Variants in CREM observed in about 807,000 individuals in gnomAD.
CREM encodes cAMP-responsive element modulator.
CREM carries 13 observed loss-of-function variants against 37.3 expected under a neutral mutation model. That is an observed-to-expected ratio of 0.35 (90% CI 0.23 to 0.55). The LOEUF is 0.55. Among genes scored for constraint, CREM ranks in the 20% least tolerant of loss-of-function variants. The pLI is 0.88. For synonymous variants in CREM, 124 were observed against 120.2 expected (o/e 1.03, Z -0.21); for missense variants, 296 against 362.3 (o/e 0.82, Z 1.49).
At chr10:35,172,129 CTTTGTTTTCT>C (rs140990102) in intron 3 of CREM, among the ~76,000 whole-genome samples, 22,828 of 151,926 alleles carry the variant, frequency 0.15, 1,906 homozygotes, top group East Asian at 0.23. Flanking sequence ...AATTTTTTTC[CTTTGTTTTCT>C]TTTGTTTTAT....
chr10:35,179,060 C>A, intron 4 of CREM, 74 bp downstream of exon 4: 1 of 1,534,304 alleles, frequency 6.5e-7, no homozygotes, highest in Non-Finnish European at 8.9e-7. Context: ...CAAATCAATT[C>A]TTCCTTTATA....
intron 7 of CREM, among the ~76,000 whole-genome samples, chr10:35,207,590 A>G (rs2095563334): frequency 6.6e-6 from 1 of 152,100 alleles, no homozygotes; most frequent in South Asian, 2.1e-4. Flanking sequence ...CCTGGCCAAT[A>G]TGACGAAACC....
At chr10:35,145,600 G>A (rs942212946) in intron 2 of CREM, among the ~76,000 whole-genome samples, 2 of 151,972 alleles carry the variant, frequency 1.3e-5, no homozygotes, top group African/African-American at 4.8e-5. Flanking sequence ...GGCCAACATG[G>A]CGAAACCCCG....
chr10:35,150,496 C>T (rs1021241321), intron 3 of CREM, among the ~76,000 whole-genome samples: 4 of 152,100 alleles, frequency 2.6e-5, no homozygotes, highest in African/African-American at 4.8e-5. Flanking sequence ...TCAGGCTGGG[C>T]GACAGCCACC....
chr10:35,167,963 A>G (rs926694389), intron 3 of CREM, among the ~76,000 whole-genome samples: 1 of 152,198 alleles, frequency 6.6e-6, no homozygotes, highest in South Asian at 2.1e-4. Context: ...CCATGTCCCT[A>G]CAAAGGACAT....
At chr10:35,136,122 C>T (rs950119210) in intron 1 of CREM, among the ~76,000 whole-genome samples, 4 of 152,254 alleles carry the variant, frequency 2.6e-5, no homozygotes, top group South Asian at 2.1e-4. Flanking sequence ...AGGAAGCGGG[C>T]GGCTGTTCCT....
intron 6 of CREM, among the ~76,000 whole-genome samples, chr10:35,201,765 A>G (rs142122039): frequency 1.2e-4 from 18 of 152,332 alleles, no homozygotes; most frequent in African/African-American, 4.1e-4. Context: ...TTAAGAAATA[A>G]TGCCTTTTAT....
At chr10:35,139,365 C>G (rs1249384470) in intron 2 of CREM, among the ~76,000 whole-genome samples, 14 of 152,178 alleles carry the variant, frequency 9.2e-5, no homozygotes, top group Admixed American at 9.2e-4. Flanking sequence ...GGTGATCCAC[C>G]TGCCTAGCCC....
At chr10:35,202,125 C>T (rs986630170) in intron 6 of CREM, among the ~76,000 whole-genome samples, 2 of 152,138 alleles carry the variant, frequency 1.3e-5, no homozygotes, top group Non-Finnish European at 2.9e-5. Context: ...TAATTCCCCA[C>T]TGATAACCCA....
chr10:35,193,599 G>C (rs2095011936), intron 6 of CREM, among the ~76,000 whole-genome samples: 1 of 152,242 alleles, frequency 6.6e-6, no homozygotes, highest in Non-Finnish European at 1.5e-5. Context: ...ACTCAGCCAA[G>C]ATATCTTCAG....
chr10:35,177,267 G>A (rs1239206985), intron 3 of CREM, among the ~76,000 whole-genome samples: 1 of 151,968 alleles, frequency 6.6e-6, no homozygotes, highest in East Asian at 1.9e-4. Context: ...TCCCAGAAGT[G>A]TAAGAATAAT....
In CREM at chr10:35,207,060, T is replaced by G; in HGVS notation, c.755+9T>G. On this transcript the variant is annotated intron_variant, in intron 7 of 7. Coordinates refer to ENST00000685392, the MANE Select transcript of CREM (RefSeq NM_183011.2). ...AGGCTAATGAAAAACAGGTGAGGTG[T>G]TGCACAGGGAATCGGTAACTTCTAG... is the stretch of plus-strand genomic sequence containing the variant. The G allele has an allele frequency of 6.2e-7, 1 of 1,608,374 alleles. No individual in the cohort carries two copies. The highest frequency in any genetic ancestry group is 2.2e-5 in the East Asian group (1 of 44,768).
At position 35,155,378 on chromosome 10, in the gene CREM, A is replaced by G. The variant is rs373250015; in HGVS notation, c.168+6887A>G. Among the ~76,000 whole-genome samples, 28 of 152,192 alleles carry G rather than the reference A, an allele frequency of 1.8e-4. No individual in the cohort carries two copies. The East Asian group carries it at 2.9e-3, about 16-fold the overall frequency. On this transcript the variant is annotated intron_variant, in intron 3 of 7. Coordinates refer to ENST00000685392, the MANE Select transcript of CREM (RefSeq NM_183011.2). The stretch of plus-strand genomic sequence containing the variant: ...TGAGAGGACGGAAAAATGGGGAGTC[A>G]TTTTTTAATGGGTATGGAGTTTCAG...
chr10:35,133,049 T>TA (rs1208822508), intron 1 of CREM, among the ~76,000 whole-genome samples: 1 of 152,214 alleles, frequency 6.6e-6, no homozygotes, highest in Non-Finnish European at 1.5e-5. Context: ...AAAGGTATGA[T>TA]ACCTTTTGTT....
intron 6 of CREM, among the ~76,000 whole-genome samples, chr10:35,192,080 G>T (rs956615303): frequency 2.6e-5 from 4 of 152,148 alleles, no homozygotes; most frequent in African/African-American, 9.7e-5. Flanking sequence ...CCTGGCCTGG[G>T]TGCTATCCCT....
intron 3 of CREM, among the ~76,000 whole-genome samples, chr10:35,152,568 C>T (rs946718794): frequency 2.6e-5 from 4 of 152,128 alleles, no homozygotes. Flanking sequence ...TAAATGTTGT[C>T]TTGGCTTTCT....
chr10:35,194,741 GTTT>G lies in CREM; in HGVS notation c.598+6365_598+6367del, dbSNP rs33981809. Among the ~76,000 whole-genome samples the G allele has an allele frequency of 1.7e-3, 243 of 144,736 alleles. 1 individual carries two copies. The highest frequency in any genetic ancestry group is 5.3e-3 in the African/African-American group (209 of 39,438). The allele number at this position is 144,736 out of a possible 152,430, so 95.0% of individuals were successfully genotyped here. ...GTATTTCTTTGCTGATAGTCAATGT[GTTT>G]TTTTTTTTTTTAAATCTCCAAGTGT... On this transcript the variant is annotated intron_variant, in intron 6 of 7. Coordinates refer to ENST00000685392, the MANE Select transcript of CREM (RefSeq NM_183011.2).
At chr10:35,206,064 C>T (rs189982137) in intron 6 of CREM, among the ~76,000 whole-genome samples, 17 of 150,878 alleles carry the variant, frequency 1.1e-4, no homozygotes, top group East Asian at 9.8e-4. Context: ...CTGGCTAACA[C>T]GGTGAAACCC....
At chr10:35,161,487 C>T (rs949919076) in intron 3 of CREM, among the ~76,000 whole-genome samples, 2 of 150,666 alleles carry the variant, frequency 1.3e-5, no homozygotes, top group African/African-American at 4.9e-5. Context: ...CAGCAAGACT[C>T]CATCTCAAAA....
Sources: gnomAD v4.1 joint callset for allele counts (sites outside exome capture counted in the v4.1 genomes callset) on GRCh38, gnomAD v4.1.1 for gene constraint, MANE v1.5 for transcripts, NCBI Gene and HGNC (gene_info 2026-07-23, HGNC 2026-07-21) for gene names.